FAM227B: variants seen among roughly 807,000 people sequenced by gnomAD.
The protein encoded by FAM227B is protein FAM227B.
Under a neutral mutation model 73.8 loss-of-function variants are expected in FAM227B, and 88 were observed. The observed-to-expected ratio is 1.19, with a 90% CI of 1.00 to 1.42. FAM227B has a LOEUF of 1.42. Ranked by LOEUF, FAM227B falls within the 40% of genes most tolerant of loss-of-function variation. The pLI is 0.00. For synonymous variants in FAM227B, 210 were observed against 190.5 expected (o/e 1.10, Z -0.84); for missense variants, 632 against 590.9 (o/e 1.07, Z -0.72).
intron 11 of FAM227B, among the ~76,000 whole-genome samples, chr15:49,453,372 G>C (rs1019476044): frequency 3.3e-5 from 5 of 152,108 alleles, no homozygotes; most frequent in Non-Finnish European, 7.4e-5. Flanking sequence ...CCAAAGTGTT[G>C]AGATTACAGG....
At chr15:49,502,354 G>A (rs1365332530) in intron 11 of FAM227B, among the ~76,000 whole-genome samples, 2 of 152,214 alleles carry the variant, frequency 1.3e-5, no homozygotes, top group African/African-American at 4.8e-5. Flanking sequence ...AAAGCCACAG[G>A]GGTGAAGCTG....
intron 11 of FAM227B, among the ~76,000 whole-genome samples, chr15:49,489,863 TATATATATATATATATATATAGAGAG>T (rs1567382990): frequency 2.9e-4 from 3 of 10,488 alleles, no homozygotes; most frequent in Non-Finnish European, 5.3e-4. Context: ...ATATATTTTA[TATATATATATATATATATATAGAGAG>T]AGAGAGAGAG....
chr15:49,392,022 G>A (rs2047244454), intron 11 of FAM227B, among the ~76,000 whole-genome samples: 1 of 152,024 alleles, frequency 6.6e-6, no homozygotes, highest in Non-Finnish European at 1.5e-5. Flanking sequence ...TAGACAACGA[G>A]AAAAACACTG....
At chr15:49,368,829 ATTAAG>A (rs749793565) in intron 12 of FAM227B, among the ~76,000 whole-genome samples, 7 of 152,188 alleles carry the variant, frequency 4.6e-5, no homozygotes, top group African/African-American at 7.2e-5. Context: ...GTTATCAGTT[ATTAAG>A]TTAAGAAAAT....
chr15:49,337,735 G>A (rs190690427), intron 13 of FAM227B, among the ~76,000 whole-genome samples: 103 of 150,324 alleles, frequency 6.9e-4, no homozygotes, highest in African/African-American at 2.5e-3. Flanking sequence ...TGTTCTCATT[G>A]TTCAATTCCC....
At chr15:49,504,871 G>T (rs894704008) in intron 11 of FAM227B, among the ~76,000 whole-genome samples, 1 of 152,054 alleles carries the variant, frequency 6.6e-6, no homozygotes, top group Non-Finnish European at 1.5e-5. Context: ...ACATAACCAT[G>T]CTGCTCTGTC....
At chr15:49,513,542 T>C (rs1393787720) in intron 10 of FAM227B, among the ~76,000 whole-genome samples, 3 of 152,200 alleles carry the variant, frequency 2.0e-5, no homozygotes, top group Non-Finnish European at 4.4e-5. Context: ...TTTCTCCCGT[T>C]CTGTAGGTTG....
rs944729252 is a variant in FAM227B at position 49,419,312 on chromosome 15, A to G, written c.1013-47913T>C. 3.9e-5 allele frequency among the ~76,000 whole-genome samples: 6 copies of G among 152,264 alleles called. No individual in the cohort carries two copies. In the East Asian group the frequency reaches 1.2e-3, roughly 29 times the overall value. On this transcript the variant is annotated intron_variant, in intron 11 of 15. Coordinates refer to ENST00000299338, the MANE Select transcript of FAM227B (RefSeq NM_152647.3). ...TCCCAGGTCCATGGGACTCTGTGAT[A>G]GCTTCCCTGGGCTGCTTCTCAAATG...
At chr15:49,510,072 C>CA (rs1488274114) in intron 10 of FAM227B, among the ~76,000 whole-genome samples, 3 of 151,626 alleles carry the variant, frequency 2.0e-5, no homozygotes, top group Admixed American at 1.3e-4. Flanking sequence ...CCATAGCACA[C>CA]ACAAAAAAGG....
chr15:49,506,002 A>G (rs1230573178), intron 11 of FAM227B, among the ~76,000 whole-genome samples: 3 of 152,040 alleles, frequency 2.0e-5, no homozygotes, highest in Non-Finnish European at 2.9e-5. Context: ...ATTAAACAAA[A>G]TGAACTCAAA....
At chr15:49,405,827 C>T (rs1172082803) in intron 11 of FAM227B, among the ~76,000 whole-genome samples, 2 of 152,170 alleles carry the variant, frequency 1.3e-5, no homozygotes, top group Non-Finnish European at 2.9e-5. Flanking sequence ...GGCACTCTGG[C>T]TTTTTGAGTT....
chr15:49,440,364 T>C (rs894515109), intron 11 of FAM227B, among the ~76,000 whole-genome samples: 2 of 151,726 alleles, frequency 1.3e-5, no homozygotes, highest in Non-Finnish European at 3.0e-5. Flanking sequence ...AGGGGTAGAA[T>C]ATTGCTCCAA....
At chr15:49,491,652 A>AT (rs1373844487) in intron 11 of FAM227B, among the ~76,000 whole-genome samples, 2 of 151,486 alleles carry the variant, frequency 1.3e-5, no homozygotes, top group East Asian at 1.9e-4. Context: ...CCTTATAACA[A>AT]TTTTTTTCCT....
At chr15:49,489,105 T>C (rs2056657667) in intron 11 of FAM227B, 2 of 234,676 alleles carry the variant, frequency 8.5e-6, no homozygotes, top group Non-Finnish European at 1.4e-5. Context: ...TATAGCCTAG[T>C]TTCAAAAGCG....
At chr15:49,405,772 C>T (rs1205916727) in intron 11 of FAM227B, among the ~76,000 whole-genome samples, 1 of 152,206 alleles carries the variant, frequency 6.6e-6, no homozygotes, top group East Asian at 1.9e-4. Flanking sequence ...CAGCCTGGTT[C>T]AGAACCCTTG....
At chr15:49,610,523 T>C (rs573366471) in intron 3 of FAM227B, among the ~76,000 whole-genome samples, 3 of 151,838 alleles carry the variant, frequency 2.0e-5, no homozygotes, top group African/African-American at 4.8e-5. Context: ...AGTTTAATCA[T>C]AGCAAATACT....
intron 7 of FAM227B, among the ~76,000 whole-genome samples, chr15:49,575,702 G>C (rs997005514): frequency 3.9e-5 from 6 of 151,968 alleles, no homozygotes; most frequent in Admixed American, 6.6e-5. Context: ...CAGCAAAAAT[G>C]TAAGATTCAT....
chr15:49,365,069 T>A (rs1001979721), intron 13 of FAM227B: 2 of 579,014 alleles, frequency 3.5e-6, no homozygotes, highest in Admixed American at 2.9e-5. Context: ...ATTTAAAAAG[T>A]CAAAGTCTAT....
chr15:49,580,903 C>T (rs1299100408), intron 5 of FAM227B, among the ~76,000 whole-genome samples: 1 of 152,100 alleles, frequency 6.6e-6, no homozygotes, highest in African/African-American at 2.4e-5. Context: ...TCAAAGATTG[C>T]TTCTCAGAAA....
Sources: allele counts gnomAD v4.1 joint callset (sites outside exome capture counted in the v4.1 genomes callset), GRCh38; gene constraint gnomAD v4.1.1; transcripts MANE v1.5; gene names NCBI Gene and HGNC (gene_info 2026-07-23, HGNC 2026-07-21).